SDK1: variants seen among roughly 807,000 people sequenced by gnomAD.
The protein encoded by SDK1 is sidekick cell adhesion molecule 1.
A neutral mutation model predicts 245.5 loss-of-function variants in SDK1; 157 were observed. The observed-to-expected ratio is 0.64, with a 90% CI of 0.56 to 0.73. The LOEUF (loss-of-function observed/expected upper bound fraction) is 0.73, where lower values mean the gene tolerates loss of function less well. SDK1 is among the 30% of genes least tolerant of loss of function. The pLI is 0.00. For missense variants in SDK1, 3,583 were observed against 3,002.3 expected (o/e 1.19, Z -4.52); for synonymous variants, 1,647 against 1,278.5 (o/e 1.29, Z -6.15).
chr7:3,962,472 C>T (rs1781774932), intron 8 of SDK1, among the ~76,000 whole-genome samples, 185 bp from the exon 9 acceptor site: 1 of 152,230 alleles, frequency 6.6e-6, no homozygotes, highest in African/African-American at 2.4e-5. Context: ...TTCCTCTCAA[C>T]ACCCCTCCGT....
chr7:3,431,760 C>G (rs1779853941), intron 1 of SDK1, among the ~76,000 whole-genome samples: 1 of 152,084 alleles, frequency 6.6e-6, no homozygotes, highest in Non-Finnish European at 1.5e-5. Context: ...GGACCTTAAC[C>G]TCTGTCTATG....
At chr7:3,635,623 C>T (rs1429243206) in intron 2 of SDK1, among the ~76,000 whole-genome samples, 1 of 152,182 alleles carries the variant, frequency 6.6e-6, no homozygotes, top group Non-Finnish European at 1.5e-5. Context: ...ATTACTGGAA[C>T]ATCTTTTTGG....
intron 4 of SDK1, among the ~76,000 whole-genome samples, chr7:3,711,264 G>A (rs1295643212): frequency 6.6e-6 from 1 of 152,158 alleles, no homozygotes; most frequent in African/African-American, 2.4e-5. Flanking sequence ...TTTGGAGACT[G>A]TGCTAACCAT....
Position 4,220,163 on chromosome 7 carries a change from A to G in SDK1, c.5594A>G (p.Lys1865Arg), listed in dbSNP as rs748032089. 3.7e-6 allele frequency: 6 copies of G among 1,613,924 alleles called. No homozygotes were observed. The highest frequency in any genetic ancestry group is 2.2e-5 in the South Asian group (2 of 91,066). The part of the protein sequence containing the change: ...EVRGNWQRWL[K>R]VRDLTKGVTY... ...AGAGGGAACTGGCAGCGCTGGCTGA[A>G]GGTGCGGGACCTCACCAAGGGAGTG... Residue 1865 changes from lysine (K) to arginine (R), a missense_variant, in exon 39 of 45, where the codon AAG becomes AGG. Coordinates refer to ENST00000404826, the MANE Select transcript of SDK1 (RefSeq NM_152744.4).
At chr7:4,258,271 C>G (rs912752396) in intron 44 of SDK1, among the ~76,000 whole-genome samples, 2 of 152,176 alleles carry the variant, frequency 1.3e-5, no homozygotes, top group Admixed American at 6.5e-5. Context: ...GCTCAGCAGT[C>G]CCTTCCGAAC....
At chr7:3,781,571 C>A (rs372944730) in intron 4 of SDK1, among the ~76,000 whole-genome samples, 1 of 151,938 alleles carries the variant, frequency 6.6e-6, no homozygotes, top group African/African-American at 2.4e-5. Flanking sequence ...ATAGTAGACC[C>A]CAAAGAAATG....
chr7:4,078,094 G>A (rs1780811019), intron 21 of SDK1, among the ~76,000 whole-genome samples: 1 of 152,228 alleles, frequency 6.6e-6, no homozygotes, highest in African/African-American at 2.4e-5. Context: ...GAGCCACAGA[G>A]TGGAGTGTTA....
intron 1 of SDK1, among the ~76,000 whole-genome samples, chr7:3,532,172 G>GT (rs991790591): frequency 2.6e-5 from 4 of 152,250 alleles, no homozygotes; most frequent in East Asian, 1.9e-4. Flanking sequence ...CAGGACTACT[G>GT]TTTTTTCCAC....
Position 3,504,006 on chromosome 7 carries a change from C to T in SDK1, c.299-115074C>T, listed in dbSNP as rs193094702. ...CTCTACTAAAAATACAAAAATTAGC[C>T]GGGCATGGTGGCACGTGCCTGTAGT... is the stretch of plus-strand genomic sequence containing the variant. On this transcript the variant is annotated intron_variant, in intron 1 of 44. Transcript: ENST00000404826. Among the ~76,000 whole-genome samples, 462 of 151,678 alleles carry T rather than the reference C, an allele frequency of 3.0e-3. 3 individuals carry two copies. Among genetic ancestry groups the T allele is most frequent in the African/African-American group, 9.3e-3 (384 of 41,372 alleles).
Position 3,764,522 on chromosome 7 carries a change from C to G in SDK1, c.714-56928C>G, listed in dbSNP as rs952840516. ...CCAACATGGTGAAATCCCGCCTCTA[C>G]TAATAATACAAAAATTAGCTGGGCA... On this transcript the variant is annotated intron_variant, in intron 4 of 44. Transcript: ENST00000404826. Among the ~76,000 whole-genome samples, 14 of 152,032 alleles carry G rather than the reference C, an allele frequency of 9.2e-5. 1 individual carries two copies. The highest frequency in any genetic ancestry group is 8.5e-4 in the Admixed American group (13 of 15,254).
At chr7:3,709,018 T>C (rs1426015601) in intron 4 of SDK1, among the ~76,000 whole-genome samples, 1 of 152,210 alleles carries the variant, frequency 6.6e-6, no homozygotes, top group Non-Finnish European at 1.5e-5. Context: ...TTTATTGCAT[T>C]ATTGTTTTAT....
chr7:3,403,948 G>T (rs749189278), intron 1 of SDK1, among the ~76,000 whole-genome samples: 1 of 145,178 alleles, frequency 6.9e-6, no homozygotes, highest in Non-Finnish European at 1.5e-5. Flanking sequence ...GCAGGTTAGG[G>T]TCCAGACCAT....
chr7:3,649,380 C>G (rs1189759426), intron 4 of SDK1, among the ~76,000 whole-genome samples: 2 of 151,840 alleles, frequency 1.3e-5, no homozygotes, highest in Non-Finnish European at 2.9e-5. Context: ...AATTGCCATC[C>G]CAATCAAGAG....
intron 1 of SDK1, among the ~76,000 whole-genome samples, chr7:3,412,024 A>G (rs1005991031): frequency 2.6e-5 from 4 of 152,230 alleles, no homozygotes; most frequent in Non-Finnish European, 4.4e-5. Flanking sequence ...AAATTTCATT[A>G]GAAGAAAGGG....
intron 14 of SDK1, among the ~76,000 whole-genome samples, chr7:4,010,505 A>G (rs1203779556): frequency 6.6e-6 from 1 of 152,214 alleles, no homozygotes; most frequent in Non-Finnish European, 1.5e-5. Context: ...CGAAATACAC[A>G]GCCCATCTGT....
At chr7:3,449,324 A>G (rs1780441683) in intron 1 of SDK1, among the ~76,000 whole-genome samples, 1 of 151,164 alleles carries the variant, frequency 6.6e-6, no homozygotes, top group Non-Finnish European at 1.5e-5. Context: ...ACTTTCATTC[A>G]TTGTGGAAAT....
intron 21 of SDK1, among the ~76,000 whole-genome samples, chr7:4,078,977 C>T (rs1780880565): frequency 6.6e-6 from 1 of 152,088 alleles, no homozygotes; most frequent in South Asian, 2.1e-4. Context: ...TGGGAGCAGG[C>T]GATCCTGACC....
chr7:3,677,687 T>G lies in SDK1; in HGVS notation c.713+35582T>G, dbSNP rs10251198. Among the ~76,000 whole-genome samples, 381 of 152,346 alleles carry G rather than the reference T, an allele frequency of 2.5e-3. 2 individuals carry two copies. Among genetic ancestry groups the G allele is most frequent in the African/African-American group, 8.3e-3 (347 of 41,580 alleles). On this transcript the variant is annotated intron_variant, in intron 4 of 44. Transcript: ENST00000404826. The stretch of plus-strand genomic sequence containing the variant: ...TTGTTAAATGTAAAGACAGTGTTTA[T>G]GAATTGAAAGATTCAATATGTGAAT...
At chr7:3,778,797 G>A (rs1423999315) in intron 4 of SDK1, among the ~76,000 whole-genome samples, 2 of 152,178 alleles carry the variant, frequency 1.3e-5, no homozygotes, top group Non-Finnish European at 2.9e-5. Context: ...TAAGGTTGAA[G>A]GGCCCTGCAG....
Sources: allele counts gnomAD v4.1 joint callset (sites outside exome capture counted in the v4.1 genomes callset), GRCh38; gene constraint gnomAD v4.1.1; transcripts MANE v1.5; gene names NCBI Gene and HGNC (gene_info 2026-07-23, HGNC 2026-07-21).